Variants in MBD1 observed in about 807,000 individuals in gnomAD.
The protein encoded by MBD1 is methyl-CpG-binding domain protein 1.
MBD1 carries 25 observed loss-of-function variants against 82.6 expected under a neutral mutation model. The ratio of observed to expected loss-of-function variants is 0.30; its 90% CI spans 0.22 to 0.42. MBD1 has a LOEUF of 0.42. Ranked by LOEUF, MBD1 falls within the 10% of genes least tolerant of loss-of-function variation. The pLI is 1.00. For missense variants in MBD1, 627 were observed against 819.6 expected (o/e 0.76, Z 2.87); for synonymous variants, 301 against 303.7 (o/e 0.99, Z 0.09).
chr18:50,281,099 T>G, intron 1 of MBD1: 1 of 1,476,038 alleles, frequency 6.8e-7, no homozygotes, highest in Non-Finnish European at 9.1e-7. Context: ...CCCCGATGTC[T>G]CCCTTTAGCG....
chr18:50,272,781 C>T (rs1423249515), intron 14 of MBD1, 43 bp from the exon 15 acceptor site: 1 of 1,614,112 alleles, frequency 6.2e-7, no homozygotes, highest in African/African-American at 1.3e-5. Flanking sequence ...GTTGTTGGGG[C>T]TACAGCAGGG....
At chr18:50,274,457 G>A (rs1338235368) in intron 10 of MBD1, 104 bp from the exon 11 acceptor site, 23 of 1,261,248 alleles carry the variant, frequency 1.8e-5, no homozygotes, top group South Asian at 1.8e-4. Flanking sequence ...CCCATAAGAC[G>A]GAGCTACTTG....
At chr18:50,277,320 C>T (rs1189230664) in intron 2 of MBD1, 116 bp from the exon 3 acceptor site, 3 of 612,404 alleles carry the variant, frequency 4.9e-6, no homozygotes, top group Admixed American at 2.9e-5. Flanking sequence ...GCTTGTGAGC[C>T]CTGCCCAGCC....
In MBD1 at chr18:50,270,902, C is replaced by T. The variant is rs551957965; in HGVS notation, c.*32+567G>A. ...TAAAAGCTGGGTTTGAGTCTAGGCT[C>T]TACTAACACCAGCTGTTCGACATTG... On this transcript the variant is annotated intron_variant, in intron 16 of 16. Transcript: ENST00000269468. 3.2e-4 allele frequency: 125 copies of T among 384,862 alleles called. 2 individuals are homozygous for T. The highest frequency in any genetic ancestry group is 2.5e-3 in the African/African-American group (116 of 45,570). 23.8% of individuals were successfully genotyped at this position (384,862 alleles called of 1,614,324 possible). A position where few individuals can be genotyped will look rare whatever the true frequency, so the allele number is the denominator to read the frequency against.
downstream of MBD1, chr18:50,267,389 G>C (rs1283614086): frequency 2.0e-6 from 1 of 510,904 alleles, no homozygotes; most frequent in African/African-American, 1.9e-5. Flanking sequence ...CTTCCTATTT[G>C]CCATTGGCAG....
chr18:50,279,491 C>T lies in MBD1; in HGVS notation c.110+392G>A, dbSNP rs111231040. 4.9e-3 allele frequency among the ~76,000 whole-genome samples: 740 copies of T among 152,302 alleles called. 3 individuals are homozygous for T. The highest frequency in any genetic ancestry group is 0.017 in the African/African-American group (691 of 41,558). ...CAGAACACTAAACAGCACCTCAGCA[C>T]TATGCTTGGGGACCATTTTAAAAAG... On this transcript the variant is annotated intron_variant, in intron 2 of 16. Coordinates refer to ENST00000269468, the MANE Select transcript of MBD1 (RefSeq NM_015846.4).
At chr18:50,275,788 C>T (rs750864601) in intron 7 of MBD1, 47 bp downstream of exon 7, 1 of 1,613,982 alleles carries the variant, frequency 6.2e-7, no homozygotes, top group Non-Finnish European at 8.5e-7. Flanking sequence ...CCCATGGGGG[C>T]CAGGGGCCGA....
chr18:50,276,644 C>G lies in MBD1; in HGVS notation c.475+18G>C. The G allele has an allele frequency of 1.9e-6, 3 of 1,613,894 alleles. No individual in the cohort carries two copies. The highest frequency in any genetic ancestry group is 1.6e-4 in the Middle Eastern group (1 of 6,062). On this transcript the variant is annotated intron_variant, in intron 5 of 16. Coordinates refer to ENST00000269468, the MANE Select transcript of MBD1 (RefSeq NM_015846.4). ...CAGCTCCTATCTCCCGATGCCCCAT[C>G]CTCTGGAGGCCACTCACCTCGACAG...
At chr18:50,273,906 C>A in intron 11 of MBD1, 43 bp from the exon 12 acceptor site, 1 of 1,602,398 alleles carries the variant, frequency 6.2e-7, no homozygotes, top group Middle Eastern at 1.7e-4. Context: ...GGTGTCCTGA[C>A]CAATCACATC....
intron 6 of MBD1, 148 bp downstream of exon 6, chr18:50,276,230 C>A: frequency 1.1e-6 from 1 of 882,614 alleles, no homozygotes; most frequent in Non-Finnish European, 1.8e-6. Context: ...CCCATTAATT[C>A]CCATTATTGT....
At position 50,275,203 on chromosome 18, in the gene MBD1, C is replaced by T; in HGVS notation, c.835G>A (p.Ala279Thr). 2 of 1,614,166 alleles carry T rather than the reference C, an allele frequency of 1.2e-6. No homozygotes were observed. Among genetic ancestry groups the T allele is most frequent in the South Asian group, 2.2e-5 (2 of 91,082 alleles). ...TGGGCTCCGGGGCGCCGCCTGGCAGCCATCTTGGAGTCACAGCCTCCCTTG... is the reference window on the plus strand; with the variant it reads ...TGGGCTCCGGGGCGCCGCCTGGCAGTCATCTTGGAGTCACAGCCTCCCTTG... ...RRKGGCDSKM[A>T]ARRRPGAQPL... The change falls in exon 9 of 17, where the codon GCT becomes ACT. Residue 279 changes from alanine to threonine, a missense_variant. Around this residue, in one of 6 missense-constraint regions of MBD1, gnomAD observed 228 missense variants for 318.1 expected, o/e 0.72. Transcript: ENST00000269468.
chr18:50,280,679 T>A (rs1379912551), intron 1 of MBD1, among the ~76,000 whole-genome samples: 1 of 151,448 alleles, frequency 6.6e-6, no homozygotes, highest in Non-Finnish European at 1.5e-5. Flanking sequence ...CTCCCATGCC[T>A]CCCCTTCCTC....
rs770486019 is a variant in MBD1, at chr18:50,275,191, G to A, written c.847C>T (p.Arg283Cys). 29 of 1,614,114 alleles carry A rather than the reference G, an allele frequency of 1.8e-5. No individual in the cohort carries two copies. Among genetic ancestry groups the A allele is most frequent in the South Asian group, 7.7e-5 (7 of 91,078 alleles). The change falls in exon 9 of 17, where the codon CGC (arginine) becomes TGC (cysteine). Residue 283 changes from arginine to cysteine, a missense_variant. By Grantham distance (180) the Arg-to-Cys change is radical (BLOSUM62 -3). This residue lies in a region of MBD1 where 228 missense variants were observed against 318.1 expected (regional missense o/e 0.72). Coordinates refer to ENST00000269468, the MANE Select transcript of MBD1 (RefSeq NM_015846.4). Reference sequence around the variant, plus strand: ...GGAGGCAGTGGCTGGGCTCCGGGGCGCCGCCTGGCAGCCATCTTGGAGTCA... The same window carrying A: ...GGAGGCAGTGGCTGGGCTCCGGGGCACCGCCTGGCAGCCATCTTGGAGTCA... Reference protein sequence around the residue: ...GCDSKMAARRRPGAQPLPPPP... With the variant: ...GCDSKMAARRCPGAQPLPPPP...
At position 50,269,537 on chromosome 18, in the gene MBD1, G is replaced by A. The variant is rs1416200357; in HGVS notation, c.*314C>T. On this transcript the variant is annotated 3_prime_UTR_variant, in exon 17 of 17. Transcript: ENST00000269468. ...CTGCTAGATCACCTCGTTGGTGTGG[G>A]CAGTAGTCAGGCCTGCAGCCAGGCC... is the stretch of plus-strand genomic sequence containing the variant. The A allele has an allele frequency of 4.2e-6, 3 of 717,764 alleles. No individual in the cohort carries two copies. The Admixed American group carries it at 6.0e-5, about 14-fold the overall frequency. The allele number at this position is 717,764 out of a possible 1,614,324, so 44.5% of individuals were successfully genotyped here.
chr18:50,280,421 A>C (rs561805360), intron 1 of MBD1, among the ~76,000 whole-genome samples: 1 of 150,700 alleles, frequency 6.6e-6, no homozygotes, highest in Non-Finnish European at 1.5e-5. Context: ...CCCCATCCTC[A>C]GCCCCAAAGG....
chr18:50,267,630 G>A (rs1284288047), downstream of MBD1: 1 of 1,535,984 alleles, frequency 6.5e-7, no homozygotes, highest in Non-Finnish European at 8.7e-7. Flanking sequence ...GGTAACCACA[G>A]TTGCATTTCC....
At chr18:50,280,076 C>T in intron 1 of MBD1, 59 bp from the exon 2 acceptor site, 6 of 1,498,280 alleles carry the variant, frequency 4.0e-6, no homozygotes, top group South Asian at 2.4e-5. Context: ...CAACACTGTG[C>T]CCCAGGCCAC....
At chr18:50,276,263 C>T in intron 6 of MBD1, 115 bp downstream of exon 6, 2 of 1,100,550 alleles carry the variant, frequency 1.8e-6, no homozygotes, top group Non-Finnish European at 2.7e-6. Flanking sequence ...ATGGAGAGCA[C>T]CCTATAAAAT....
In MBD1 at chr18:50,274,366, G is replaced by GA. The variant is rs773132631; in HGVS notation, c.979-14dup. The GA allele has an allele frequency of 8.1e-5, 130 of 1,609,718 alleles. No individual in the cohort carries two copies. The highest frequency in any genetic ancestry group is 3.3e-4 in the Middle Eastern group (2 of 6,080). On this transcript the variant is annotated splice_polypyrimidine_tract_variant and intron_variant, in intron 10 of 16. Coordinates refer to ENST00000269468, the MANE Select transcript of MBD1 (RefSeq NM_015846.4). ...TCGTGTAGGGCTGCTGGGGTGGGGG[G>GA]AATGGGTGGTGCTGTCAACTAGGAC...
Sources: gnomAD v4.1 joint callset for allele counts (sites outside exome capture counted in the v4.1 genomes callset) on GRCh38, gnomAD v4.1.1 for gene constraint, gnomAD v4.1.1 regional missense constraint, MANE v1.5 for transcripts, NCBI Gene and HGNC (gene_info 2026-07-23, HGNC 2026-07-21) for gene names.